ALMS1: variants seen among roughly 807,000 people sequenced by gnomAD.
The protein encoded by ALMS1 is centrosome-associated protein ALMS1.
In ALMS1, 271 loss-of-function variants were observed where a neutral mutation model predicts 352.2. That is an observed-to-expected ratio of 0.77 (90% CI 0.70 to 0.85). The LOEUF (loss-of-function observed/expected upper bound fraction) is 0.85. ALMS1 is among the 40% of genes least tolerant of loss of function. ALMS1 has a pLI of 0.00. For missense variants in ALMS1, 5,445 were observed against 4,870.7 expected (o/e 1.12, Z -3.51); for synonymous variants, 1,865 against 1,761.2 (o/e 1.06, Z -1.48).
chr2:73,580,164 G>C (rs1013657191), intron 16 of ALMS1, among the ~76,000 whole-genome samples: 1 of 152,024 alleles, frequency 6.6e-6, no homozygotes, highest in East Asian at 1.9e-4. Flanking sequence ...CTGCGGCGTC[G>C]AACTCTGGGC....
At chr2:73,404,594 A>G (rs1670936172) in intron 1 of ALMS1, among the ~76,000 whole-genome samples, 2 of 151,778 alleles carry the variant, frequency 1.3e-5, no homozygotes, top group South Asian at 2.1e-4. Flanking sequence ...CAATTTTTGT[A>G]TGTTGAACCA....
At chr2:73,420,380 G>A (rs1534471) in intron 3 of ALMS1, among the ~76,000 whole-genome samples, 57,866 of 151,964 alleles carry the variant, frequency 0.38, 15,373 homozygotes, top group African/African-American at 0.75. Context: ...TCCATCTGCT[G>A]AGAATGATTT....
intron 16 of ALMS1, among the ~76,000 whole-genome samples, chr2:73,575,457 A>G (rs926039776): frequency 2.6e-5 from 4 of 152,126 alleles, no homozygotes; most frequent in African/African-American, 9.7e-5. Context: ...AAGGGTTTCA[A>G]TTTTATTGCA....
chr2:73,503,682 C>G (rs1016842484), intron 10 of ALMS1, among the ~76,000 whole-genome samples: 1 of 152,158 alleles, frequency 6.6e-6, no homozygotes, highest in Non-Finnish European at 1.5e-5. Context: ...ACACTGACTT[C>G]CACAATGGTT....
rs770849449 is a variant in ALMS1 at position 73,599,459 on chromosome 2, G to A, written c.11606G>A (p.Ser3869Asn). The change falls in exon 17 of 23, where the codon AGC becomes AAC. Residue 3869 changes from serine to asparagine, a missense_variant. By Grantham distance (46) the Ser-to-Asn change is conservative. Coordinates refer to ENST00000613296, the MANE Select transcript of ALMS1 (RefSeq NM_001378454.1). ...SISSSASSFL[S>N]SNSTFCNKQN... The stretch of plus-strand genomic sequence containing the variant: ...TCCTCTTCTGCCAGTAGTTTCCTGA[G>A]CTCAAACTCTACTTTTTGCAACAAG... The A allele has an allele frequency of 6.8e-6, 11 of 1,613,414 alleles. No individual in the cohort carries two copies. The South Asian group carries it at 1.2e-4, about 18-fold the overall frequency.
chr2:73,417,074 CAG>C lies in ALMS1; in HGVS notation c.451-2046_451-2045del, dbSNP rs1671194342. Among the ~76,000 whole-genome samples the C allele has an allele frequency of 6.6e-5, 10 of 152,092 alleles. No individual in the cohort carries two copies. In the South Asian group the frequency reaches 2.1e-3, roughly 31 times the overall value. ...TGCCACTGTATTCTGGCCTGGTTAA[CAG>C]AGCAAAAGCCTGTCTCACACACACA... is the stretch of plus-strand genomic sequence containing the variant. On this transcript the variant is annotated intron_variant, in intron 2 of 22. Coordinates refer to ENST00000613296, the MANE Select transcript of ALMS1 (RefSeq NM_001378454.1).
intron 16 of ALMS1, among the ~76,000 whole-genome samples, chr2:73,582,892 A>G (rs1675216038): frequency 2.0e-5 from 3 of 152,206 alleles, no homozygotes. Context: ...ATACATACCC[A>G]GAAGAAGGAT....
chr2:73,493,590 C>T (rs1014222310), intron 10 of ALMS1, among the ~76,000 whole-genome samples: 3 of 151,766 alleles, frequency 2.0e-5, no homozygotes, highest in Non-Finnish European at 4.4e-5. Flanking sequence ...GGCATGGTGG[C>T]ACATGCTTGT....
chr2:73,402,679 T>G (rs1298836837), intron 1 of ALMS1, among the ~76,000 whole-genome samples: 1 of 152,222 alleles, frequency 6.6e-6, no homozygotes, highest in Non-Finnish European at 1.5e-5. Context: ...TTGCCAACAC[T>G]TATCTCTTGA....
chr2:73,535,977 A>G lies in ALMS1; in HGVS notation c.9907+1028A>G, dbSNP rs192523015. Reference sequence around the variant, plus strand: ...CAAACTAGCTTCTGATAGTAACTGCACTAAAGCCTCTGATACAACCTCGCC... The same window carrying G: ...CAAACTAGCTTCTGATAGTAACTGCGCTAAAGCCTCTGATACAACCTCGCC... On this transcript the variant is annotated intron_variant, in intron 12 of 22. Coordinates refer to ENST00000613296, the MANE Select transcript of ALMS1 (RefSeq NM_001378454.1). 8.9e-4 allele frequency among the ~76,000 whole-genome samples: 136 copies of G among 152,294 alleles called. 1 individual carries two copies. The highest frequency in any genetic ancestry group is 1.9e-3 in the South Asian group (9 of 4,826).
At chr2:73,576,865 A>AC (rs1236277418) in intron 16 of ALMS1, among the ~76,000 whole-genome samples, 4 of 151,054 alleles carry the variant, frequency 2.6e-5, no homozygotes, top group East Asian at 1.9e-4. Context: ...CAGGTGATCC[A>AC]CCCCCCTCAG....
At chr2:73,389,708 G>A (rs183471820) in intron 1 of ALMS1, among the ~76,000 whole-genome samples, 6 of 151,834 alleles carry the variant, frequency 4.0e-5, no homozygotes, top group African/African-American at 1.4e-4. Flanking sequence ...TTCCCCCGCC[G>A]AGATGAAGTC....
At chr2:73,421,441 G>T (rs918926966) in intron 3 of ALMS1, among the ~76,000 whole-genome samples, 2 of 152,156 alleles carry the variant, frequency 1.3e-5, no homozygotes, top group East Asian at 3.8e-4. Context: ...TTTTAGAGGG[G>T]TGAAGGACTG....
intron 16 of ALMS1, among the ~76,000 whole-genome samples, chr2:73,583,509 T>C (rs1045282942): frequency 7.2e-5 from 11 of 152,234 alleles, no homozygotes. Flanking sequence ...AGTGTGGTCC[T>C]GTTTGTCTAT....
chr2:73,597,776 CAG>C (rs1357326940), intron 16 of ALMS1, among the ~76,000 whole-genome samples: 5 of 151,634 alleles, frequency 3.3e-5, no homozygotes. Flanking sequence ...AATCCTGACA[CAG>C]AGCTTTTTTT....
chr2:73,490,922 C>T lies in ALMS1; in HGVS notation c.8963C>T (p.Pro2988Leu), dbSNP rs1224152145. ...DQMNKHHFPL[P>L]QGQDCVVEKN... ...ATGAATAAACACCATTTTCCCCTTC[C>T]TCAAGGTCAGGATTGTGTAGTGGAA... Residue 2988 changes from proline (P) to leucine (L), a missense_variant, in exon 10 of 23, where the codon CCT becomes CTT. Coordinates refer to ENST00000613296, the MANE Select transcript of ALMS1 (RefSeq NM_001378454.1). 7 of 1,614,120 alleles carry T rather than the reference C, an allele frequency of 4.3e-6. No homozygotes were observed. The highest frequency in any genetic ancestry group is 5.9e-6 in the Non-Finnish European group (7 of 1,180,018).
chr2:73,415,519 T>G (rs1671167273), intron 2 of ALMS1, among the ~76,000 whole-genome samples: 1 of 148,818 alleles, frequency 6.7e-6, no homozygotes, highest in Non-Finnish European at 1.5e-5. Context: ...GTAGATCTGG[T>G]GGTTGAAGAC....
At chr2:73,591,720 G>C (rs992757790) in intron 16 of ALMS1, among the ~76,000 whole-genome samples, 5 of 152,162 alleles carry the variant, frequency 3.3e-5, no homozygotes, top group Admixed American at 6.5e-5. Context: ...AAAGGTGGTG[G>C]TAATTCTTAT....
intron 1 of ALMS1, among the ~76,000 whole-genome samples, chr2:73,398,445 A>G (rs1670810359): frequency 1.3e-5 from 2 of 152,192 alleles, no homozygotes; most frequent in African/African-American, 4.8e-5. Flanking sequence ...TTGCCCCTCC[A>G]TATAAACTTT....
Sources: allele counts gnomAD v4.1 joint callset (sites outside exome capture counted in the v4.1 genomes callset), GRCh38; gene constraint gnomAD v4.1.1; transcripts MANE v1.5; gene names NCBI Gene and HGNC (gene_info 2026-07-23, HGNC 2026-07-21).